Variants in SQSTM1 observed in about 807,000 individuals in gnomAD.
The protein encoded by SQSTM1 is sequestosome 1.
Under a neutral mutation model 45.1 loss-of-function variants are expected in SQSTM1, and 36 were observed. The ratio of observed to expected loss-of-function variants is 0.80; its 90% CI spans 0.61 to 1.05. SQSTM1 has a LOEUF of 1.05. Ranked by LOEUF, SQSTM1 falls within the 50% of genes least tolerant of loss-of-function variation. SQSTM1 has a pLI of 0.00. For missense variants in SQSTM1, 617 were observed against 607.1 expected, an observed-to-expected ratio of 1.02 and a Z score of -0.17; for synonymous variants, 290 against 244.3, an observed-to-expected ratio of 1.19 and a Z score of -1.74.
chr5:179,808,863 T>A (rs979321165), intron 1 of SQSTM1, among the ~76,000 whole-genome samples: 20 of 60,164 alleles, frequency 3.3e-4, no homozygotes, highest in Admixed American at 2.1e-3. Context: ...TAGTTTATCT[T>A]ATTTTTTTTT....
chr5:179,809,581 C>A (rs1195795641), intron 1 of SQSTM1, among the ~76,000 whole-genome samples: 1 of 150,046 alleles, frequency 6.7e-6, no homozygotes, highest in East Asian at 2.0e-4. Flanking sequence ...TCGTGATCCA[C>A]CTGCTTCAGC....
upstream of SQSTM1, among the ~76,000 whole-genome samples, chr5:179,817,220 G>A (rs893189589): frequency 1.3e-5 from 2 of 152,202 alleles, no homozygotes; most frequent in Non-Finnish European, 2.9e-5. Flanking sequence ...CATCCCTTGC[G>A]CCCCGAGCTG....
In SQSTM1 at chr5:179,825,162, G is replaced by A. The variant is rs764575577; in HGVS notation, c.690G>A (p.Glu230=). ...AAATCAAAGCTTCTGGTCCATCGGA[G>A]GATCCGAGTGTGAATTTCCTGAAGA... ...PTAESASGPS[E]DPSVNFLKNV... The change falls in exon 5 of 8, where the codon GAG becomes GAA. Residue 230 remains glutamate, a synonymous_variant. Coordinates refer to ENST00000389805, the MANE Select transcript of SQSTM1 (RefSeq NM_003900.5). The A allele has an allele frequency of 3.1e-6, 5 of 1,614,126 alleles. No individual in the cohort carries two copies. The highest frequency in any genetic ancestry group is 1.1e-5 in the South Asian group (1 of 91,086).
chr5:179,819,336 C>G (rs561270271), upstream of SQSTM1, among the ~76,000 whole-genome samples: 1 of 121,832 alleles, frequency 8.2e-6, no homozygotes, highest in Non-Finnish European at 1.7e-5. Context: ...GCCCCCCCCC[C>G]AGTCTCTTCA....
intron 5 of SQSTM1, among the ~76,000 whole-genome samples, chr5:179,827,978 A>AGGG (rs1758063648): frequency 6.6e-6 from 1 of 152,176 alleles, no homozygotes; most frequent in Non-Finnish European, 1.5e-5. Context: ...ACTGAGACCC[A>AGGG]GGCTGCTCCT....
In SQSTM1 at chr5:179,837,772, A is replaced by C; in HGVS notation, c.*1179A>C. On this transcript the variant is annotated 3_prime_UTR_variant, in exon 8 of 8. Coordinates refer to ENST00000389805, the MANE Select transcript of SQSTM1 (RefSeq NM_003900.5). The stretch of plus-strand genomic sequence containing the variant: ...ATGTGGCTGTAACCTGCTGGATGGG[A>C]CTCCATAGCTCCTTCCCAGGACCCC... 4.3e-6 allele frequency: 7 copies of C among 1,613,860 alleles called. No individual in the cohort carries two copies. Among genetic ancestry groups the C allele is most frequent in the Non-Finnish European group, 5.9e-6 (7 of 1,179,950 alleles).
chr5:179,816,418 C>T (rs1239344034), upstream of SQSTM1, among the ~76,000 whole-genome samples: 1 of 152,124 alleles, frequency 6.6e-6, no homozygotes. Context: ...AGTGCTGGGA[C>T]TACAGGTGTG....
At chr5:179,828,748 C>T (rs1758101893) in intron 5 of SQSTM1, among the ~76,000 whole-genome samples, 1 of 152,146 alleles carries the variant, frequency 6.6e-6, no homozygotes, top group African/African-American at 2.4e-5. Flanking sequence ...GATGGAGGTA[C>T]TTGTAGTTAA....
intron 7 of SQSTM1, chr5:179,835,380 C>G (rs568056036): frequency 5.9e-6 from 1 of 168,906 alleles, no homozygotes; most frequent in African/African-American, 2.4e-5. Flanking sequence ...CGCCACTGCA[C>G]TCCAGCCTGG....
At chr5:179,819,722 A>T (rs1757702185), upstream of SQSTM1, among the ~76,000 whole-genome samples, 1 of 152,188 alleles carries the variant, frequency 6.6e-6, no homozygotes, top group Non-Finnish European at 1.5e-5. Flanking sequence ...CGCCGGATGC[A>T]GGGAGAGGCC....
chr5:179,807,004 G>C (rs1464571441), intron 1 of SQSTM1: 2 of 148,922 alleles, frequency 1.3e-5, no homozygotes, highest in Non-Finnish European at 1.5e-5. Context: ...GGGCGGCCCG[G>C]ATTTAAAGGG....
intron 5 of SQSTM1, among the ~76,000 whole-genome samples, chr5:179,829,034 G>T (rs958600842): frequency 1.3e-5 from 2 of 152,178 alleles, no homozygotes; most frequent in Non-Finnish European, 2.9e-5. Flanking sequence ...CAGGAACAAG[G>T]GGGGAGGGTT....
At chr5:179,819,362 C>T (rs1429556190), upstream of SQSTM1, among the ~76,000 whole-genome samples, 1 of 151,932 alleles carries the variant, frequency 6.6e-6, no homozygotes, top group Non-Finnish European at 1.5e-5. Flanking sequence ...CCCTAGCCCC[C>T]GCGGAAACTT....
chr5:179,822,856 G>A, intron 1 of SQSTM1, 102 bp from the exon 2 acceptor site: 6 of 957,664 alleles, frequency 6.3e-6, no homozygotes, highest in Non-Finnish European at 1.0e-5. Flanking sequence ...TTTGTTTATA[G>A]CCCTGTGAGT....
At chr5:179,816,848 C>G (rs534355128), upstream of SQSTM1, among the ~76,000 whole-genome samples, 126 of 152,304 alleles carry the variant, frequency 8.3e-4, no homozygotes, top group African/African-American at 2.9e-3. Flanking sequence ...CTTTGGGGTA[C>G]CCCAGCAGTG....
intron 5 of SQSTM1, among the ~76,000 whole-genome samples, chr5:179,830,115 A>G (rs1248673882): frequency 1.1e-5 from 1 of 94,546 alleles, no homozygotes; most frequent in Non-Finnish European, 1.9e-5. Flanking sequence ...TCTCAAACAA[A>G]ACAAAACAAA....
Position 179,836,471 on chromosome 5 carries a change from A to C in SQSTM1, c.1201A>C (p.Met401Leu), listed in dbSNP as rs201795943. ...GCGGCTGATTGAGTCCCTCTCCCAG[A>C]TGCTGTCCATGGGCTTCTCTGATGA... ...DPRLIESLSQ[M>L]LSMGFSDEGG... Residue 401 changes from methionine (M) to leucine (L), a missense_variant, in exon 8 of 8, where the codon ATG becomes CTG. Transcript: ENST00000389805. The C allele has an allele frequency of 3.9e-5, 63 of 1,614,146 alleles. 1 individual carries two copies. In the African/African-American group the frequency reaches 5.6e-4, roughly 14 times the overall value.
chr5:179,827,444 C>A (rs1461580485), intron 5 of SQSTM1, among the ~76,000 whole-genome samples: 1 of 152,178 alleles, frequency 6.6e-6, no homozygotes. Context: ...ACCACCACGC[C>A]CGGCTAGTTT....
intron 5 of SQSTM1, among the ~76,000 whole-genome samples, chr5:179,826,529 A>G (rs1325735486): frequency 4.0e-5 from 6 of 151,798 alleles, no homozygotes; most frequent in Non-Finnish European, 4.4e-5. Context: ...AAACAGCCCA[A>G]ACACGCATGG....
Sources: gnomAD v4.1 joint callset for allele counts (sites outside exome capture counted in the v4.1 genomes callset) on GRCh38, gnomAD v4.1.1 for gene constraint, MANE v1.5 for transcripts, NCBI Gene and HGNC (gene_info 2026-07-23, HGNC 2026-07-21) for gene names.